The following ABCA10 variants were observed in gnomAD, a reference collection of about 807,000 sequenced individuals.
The protein encoded by ABCA10 is ATP-binding cassette sub-family A member 10.
In ABCA10, 169 loss-of-function variants were observed where a neutral mutation model predicts 187.5. The observed-to-expected ratio is 0.90, with a 90% CI of 0.80 to 1.02. ABCA10 has a LOEUF of 1.02. Among genes scored for constraint, ABCA10 ranks in the 50% least tolerant of loss-of-function variants. The pLI is 0.00. For synonymous variants in ABCA10, 574 were observed against 601.8 expected, an observed-to-expected ratio of 0.95 and a Z score of 0.68; for missense variants, 1,727 against 1,812.4, an observed-to-expected ratio of 0.95 and a Z score of 0.86.
intron 6 of ABCA10, 149 bp from the exon 7 acceptor site, chr17:69,216,507 GTTAT>G (rs2144840504): frequency 1.2e-6 from 1 of 813,930 alleles, no homozygotes; most frequent in African/African-American, 1.8e-5. Context: ...CTATTAGCAA[GTTAT>G]TTATCTTCTC....
At chr17:69,209,003 C>A (rs545161279) in intron 9 of ABCA10, among the ~76,000 whole-genome samples, 1 of 152,300 alleles carries the variant, frequency 6.6e-6, no homozygotes, top group African/African-American at 2.4e-5. Context: ...GATGGCACCA[C>A]TCCACTTCAG....
Position 69,153,474 on chromosome 17 carries a change from T to G in ABCA10, c.4038A>C (p.Arg1346Ser), listed in dbSNP as rs2074146778. The G allele has an allele frequency of 6.2e-7, 1 of 1,614,126 alleles. No homozygotes were observed. Among genetic ancestry groups the G allele is most frequent in the East Asian group, 2.2e-5 (1 of 44,860 alleles). ...AAACCCCGAGCCTGGCCCATACCTTTCTCTTTATTCCCTCTGATAGAGTTT... is the reference window on the plus strand; with the variant it reads ...AAACCCCGAGCCTGGCCCATACCTTGCTCTTTATTCCCTCTGATAGAGTTT... Reference protein sequence around the residue: ...PVKTLSEGIKRKLCFVLSILG... With the variant: ...PVKTLSEGIKSKLCFVLSILG... The change falls in exon 33 of 39, where the codon AGA (arginine) becomes AGC (serine). Residue 1346 changes from arginine to serine, a missense_variant. Physicochemically the swap from Arg to Ser is moderately radical, Grantham distance 110. Coordinates refer to ENST00000690296, the MANE Select transcript of ABCA10 (RefSeq NM_001377321.1).
At chr17:69,171,636 T>C (rs1207033510) in intron 25 of ABCA10, among the ~76,000 whole-genome samples, 1 of 152,048 alleles carries the variant, frequency 6.6e-6, no homozygotes, top group Non-Finnish European at 1.5e-5. Context: ...TAAAGATAAA[T>C]AGAAAATCAC....
chr17:69,161,646 T>C (rs1244367506), intron 27 of ABCA10, among the ~76,000 whole-genome samples: 1 of 152,156 alleles, frequency 6.6e-6, no homozygotes, highest in Non-Finnish European at 1.5e-5. Context: ...GGCAACAAAA[T>C]AAACTCATCC....
Position 69,244,001 on chromosome 17 carries a change from G to A in ABCA10, c.-593+528C>T, listed in dbSNP as rs375205653. Among the ~76,000 whole-genome samples the A allele has an allele frequency of 1.4e-3, 213 of 152,278 alleles. 2 individuals carry two copies. Among genetic ancestry groups the A allele is most frequent in the African/African-American group, 4.9e-3 (204 of 41,548 alleles). On this transcript the variant is annotated intron_variant, in intron 1 of 39. Coordinates refer to the ABCA10 transcript ENST00000269081. ...CAAGAGTTGTTTAGGCACTTGGGAA[G>A]AATCTGTTCATTAAGTTTAAAATAT...
At chr17:69,182,899 G>C in intron 20 of ABCA10, 91 bp from the exon 21 acceptor site, 1 of 1,471,810 alleles carries the variant, frequency 6.8e-7, no homozygotes, top group Non-Finnish European at 9.1e-7. Flanking sequence ...TGCCAATCGT[G>C]TTAAGAAAAA....
At chr17:69,154,198 A>G (rs1377440333) in intron 31 of ABCA10, 37 bp downstream of exon 31, 1 of 1,524,620 alleles carries the variant, frequency 6.6e-7, no homozygotes, top group African/African-American at 1.4e-5. Context: ...AGATGTCATC[A>G]ATATTTAAAA....
rs546609964 is a variant in ABCA10 at position 69,194,596 on chromosome 17, T to C, written c.1235-101A>G. The C allele has an allele frequency of 1.8e-4, 127 of 709,846 alleles. No homozygotes were observed. In the African/African-American group the frequency reaches 1.8e-3, roughly 10 times the overall value. The allele number at this position is 709,846 out of a possible 1,614,324, so 44.0% of individuals were successfully genotyped here. ...AAATATATCTCAGCATTTCATTTCATTGGTATTTTAATACATCCCCTATAA... is the reference window on the plus strand; with the variant it reads ...AAATATATCTCAGCATTTCATTTCACTGGTATTTTAATACATCCCCTATAA... On this transcript the variant is annotated intron_variant, in intron 11 of 38. Transcript: ENST00000690296.
rs140525840 is a variant in ABCA10, at chr17:69,192,892, G to A, written c.1780+218C>T. On this transcript the variant is annotated intron_variant, in intron 15 of 38. Coordinates refer to ENST00000690296, the MANE Select transcript of ABCA10 (RefSeq NM_001377321.1). The stretch of plus-strand genomic sequence containing the variant: ...CCTCAAAACTTTCCAAGGATGGCCT[G>A]ATTCTTCACCTCTTCCTTTGTCCAC... Among the ~76,000 whole-genome samples, 650 of 152,298 alleles carry A rather than the reference G, an allele frequency of 4.3e-3. 3 individuals carry two copies. Among genetic ancestry groups the A allele is most frequent in the African/African-American group, 0.015 (610 of 41,542 alleles).
In ABCA10 at chr17:69,225,543, A is replaced by G. The variant is rs78065513; in HGVS notation, c.-171-14T>C. ...TATTGTCCATTCCTCCAGCACACAA[A>G]AGAGAAATGAGCCATGTTATAACGT... On this transcript the variant is annotated splice_polypyrimidine_tract_variant and intron_variant, in intron 2 of 38. Coordinates refer to ENST00000690296, the MANE Select transcript of ABCA10 (RefSeq NM_001377321.1). The G allele has an allele frequency of 0.01, 5,678 of 556,240 alleles. 251 individuals are homozygous for G. The highest frequency in any genetic ancestry group is 0.096 in the African/African-American group (4,954 of 51,864). 34.5% of individuals were successfully genotyped at this position (556,240 alleles called of 1,614,324 possible). A position where few individuals can be genotyped will look rare whatever the true frequency, so the allele number is the denominator to read the frequency against.
In ABCA10 at chr17:69,196,899, G is replaced by A. The variant is rs2074508511; in HGVS notation, c.1234+165C>T. ...GTGGCAGCACGCGCCTGCAATCCCA[G>A]GCACTCGGCAGGCACTCGGCAGGAG... On this transcript the variant is annotated intron_variant, in intron 11 of 38. Transcript: ENST00000690296. Among the ~76,000 whole-genome samples the A allele has an allele frequency of 2.6e-5, 4 of 151,890 alleles. No individual in the cohort carries two copies. The South Asian group carries it at 8.3e-4, about 32-fold the overall frequency.
Position 69,201,615 on chromosome 17 carries a change from A to G in ABCA10, c.1060T>C (p.Ser354Pro). 1 of 1,611,850 alleles carries G rather than the reference A, an allele frequency of 6.2e-7. No homozygotes were observed. The highest frequency in any genetic ancestry group is 1.1e-5 in the South Asian group (1 of 90,272). ...TCATGATGAGTATTTTGATGTTTGG[A>G]CCAAAATGAGGACTTAAGGAAAAAT... ...PLFFLKSSFW[S>P]KHQNTHHEIF... Residue 354 changes from serine (S) to proline (P), a missense_variant, in exon 10 of 39, where the codon TCC becomes CCC. Coordinates refer to ENST00000690296, the MANE Select transcript of ABCA10 (RefSeq NM_001377321.1).
rs1191389515 is a variant in ABCA10, at chr17:69,193,232, T to C, written c.1658A>G (p.Glu553Gly). The change falls in exon 15 of 39, where the codon GAA (glutamate) becomes GGA (glycine). Residue 553 changes from glutamate to glycine, a missense_variant. Coordinates refer to ENST00000690296, the MANE Select transcript of ABCA10 (RefSeq NM_001377321.1). ...LGDPQVLLLD[E>G]PTAGLDPFSR... ...AAAGGGATCCAATCCAGCAGTTGGT[T>C]CATCTAGCAGCAAAACCTACAGAGG... The C allele has an allele frequency of 6.2e-7, 1 of 1,613,324 alleles. No individual in the cohort carries two copies. Among genetic ancestry groups the C allele is most frequent in the African/African-American group, 1.3e-5 (1 of 74,856 alleles).
rs144509225 is a variant in ABCA10 at position 69,201,745 on chromosome 17, A to G, written c.1007-77T>C. On this transcript the variant is annotated intron_variant, in intron 9 of 38. Transcript: ENST00000690296. ...AAAAGGGACATCTGTCCTTTACTTG[A>G]TATCAATTTTGAACTTAAGTTATTT... 4.0e-4 allele frequency: 477 copies of G among 1,190,036 alleles called. 4 individuals carry two copies. The African/African-American group carries it at 7.0e-3, about 18-fold the overall frequency. 73.7% of individuals were successfully genotyped at this position (1,190,036 alleles called of 1,614,324 possible). A position where few individuals can be genotyped will look rare whatever the true frequency, so the allele number is the denominator to read the frequency against.
rs147976428 is a variant in ABCA10 at position 69,190,364 on chromosome 17, C to T, written c.2125G>A (p.Glu709Lys). ...LNLEGKSAID[E>K]PDFDIGKQEK... The stretch of plus-strand genomic sequence containing the variant: ...TAGACACACATTTTTATACCTGGTT[C>T]ATCAATTGCTGATTTTCCTTCTAGG... Residue 709 changes from glutamate to lysine, a missense_variant, in exon 18 of 39, where the codon GAA becomes AAA. By Grantham distance (56) the Glu-to-Lys change is moderately conservative. Coordinates refer to ENST00000690296, the MANE Select transcript of ABCA10 (RefSeq NM_001377321.1). 529 of 1,547,368 alleles carry T rather than the reference C, an allele frequency of 3.4e-4. 1 individual carries two copies. The East Asian group carries it at 8.3e-3, about 24-fold the overall frequency.
At chr17:69,208,142 G>A (rs537820229) in intron 9 of ABCA10, among the ~76,000 whole-genome samples, 34 of 152,218 alleles carry the variant, frequency 2.2e-4, no homozygotes, top group African/African-American at 8.2e-4. Context: ...AGGAGGCCAG[G>A]CGCGGTGGCT....
intron 22 of ABCA10, among the ~76,000 whole-genome samples, chr17:69,179,765 C>T (rs1032124049): frequency 6.6e-6 from 1 of 152,168 alleles, no homozygotes; most frequent in Non-Finnish European, 1.5e-5. Context: ...TGGCAAGCTT[C>T]CTGCTACCAT....
chr17:69,235,332 T>C (rs2074860733), intron 1 of ABCA10, among the ~76,000 whole-genome samples: 2 of 152,198 alleles, frequency 1.3e-5, no homozygotes, highest in Admixed American at 6.5e-5. Context: ...TCTTGTCCTG[T>C]CCTATCTAAG....
chr17:69,176,894 T>A (rs1177054693), intron 22 of ABCA10, among the ~76,000 whole-genome samples: 1 of 152,138 alleles, frequency 6.6e-6, no homozygotes, highest in African/African-American at 2.4e-5. Flanking sequence ...ACTTAGAGTG[T>A]ACAAGCAGTT....
Sources: allele counts gnomAD v4.1 joint callset (sites outside exome capture counted in the v4.1 genomes callset), GRCh38; gene constraint gnomAD v4.1.1; transcripts MANE v1.5; gene names NCBI Gene and HGNC (gene_info 2026-07-23, HGNC 2026-07-21).